SHANK2: variants seen among roughly 807,000 people sequenced by gnomAD.
SHANK2 encodes the protein SH3 and multiple ankyrin repeat domains 2.
Under a neutral mutation model 133.7 loss-of-function variants are expected in SHANK2, and 43 were observed. The observed-to-expected ratio is 0.32, with a 90% CI of 0.25 to 0.41. The LOEUF (loss-of-function observed/expected upper bound fraction) is 0.41, where lower values mean the gene tolerates loss of function less well. Ranked by LOEUF, SHANK2 falls within the 10% of genes least tolerant of loss-of-function variation. The pLI is 1.00. For missense variants in SHANK2, 1,994 were observed against 2,235.8 expected (o/e 0.89, Z 2.18); for synonymous variants, 1,017 against 952.8 (o/e 1.07, Z -1.24).
intron 17 of SHANK2, among the ~76,000 whole-genome samples, chr11:70,601,628 AG>A (rs1339857045): frequency 3.9e-5 from 6 of 152,214 alleles, no homozygotes; most frequent in Non-Finnish European, 8.8e-5. Context: ...CTGAGATTAC[AG>A]GCGTGAGCCA....
intron 2 of SHANK2, among the ~76,000 whole-genome samples, chr11:71,177,806 C>T (rs1555113296): frequency 6.6e-6 from 1 of 151,810 alleles, no homozygotes; most frequent in East Asian, 1.9e-4. Context: ...CGCAAATAAG[C>T]ACGTGAAAAA....
At chr11:70,630,802 C>A (rs2060974598) in intron 17 of SHANK2, among the ~76,000 whole-genome samples, 1 of 152,212 alleles carries the variant, frequency 6.6e-6, no homozygotes, top group African/African-American at 2.4e-5. Flanking sequence ...GCCTCCAGAA[C>A]TGTGAGGGGA....
chr11:70,533,962 G>A (rs1007063877), intron 17 of SHANK2, among the ~76,000 whole-genome samples: 6 of 152,216 alleles, frequency 3.9e-5, no homozygotes, highest in Admixed American at 3.3e-4. Context: ...TTATGGCCAA[G>A]TAGTGTTCCA....
intron 2 of SHANK2, among the ~76,000 whole-genome samples, chr11:71,154,806 A>G (rs1346714948): frequency 9.6e-6 from 1 of 104,402 alleles, no homozygotes. Context: ...TGCTCCCAGA[A>G]GAGGGATGGA....
At chr11:70,481,428 G>A (rs2058732306) in intron 25 of SHANK2, among the ~76,000 whole-genome samples, 1 of 152,152 alleles carries the variant, frequency 6.6e-6, no homozygotes, top group South Asian at 2.1e-4. Flanking sequence ...ATCCCATCCT[G>A]GATTCTTGCA....
chr11:70,849,683 G>A (rs1306286500), intron 11 of SHANK2, among the ~76,000 whole-genome samples: 2 of 152,172 alleles, frequency 1.3e-5, no homozygotes, highest in East Asian at 1.9e-4. Context: ...GGGCATTTAT[G>A]TCAAAAGAAT....
intron 17 of SHANK2, among the ~76,000 whole-genome samples, chr11:70,611,656 G>C (rs1237061368): frequency 2.6e-5 from 4 of 152,176 alleles, no homozygotes; most frequent in Admixed American, 2.0e-4. Flanking sequence ...TTTCAAAAAG[G>C]CTAAGAATGT....
chr11:70,496,934 G>A (rs778600234), intron 21 of SHANK2: 15 of 456,408 alleles, frequency 3.3e-5, no homozygotes, highest in Non-Finnish European at 4.4e-5. Flanking sequence ...CATTGAAGGT[G>A]CATCCCTGAA....
chr11:71,057,720 T>A (rs1950936904), intron 9 of SHANK2, among the ~76,000 whole-genome samples: 1 of 151,518 alleles, frequency 6.6e-6, no homozygotes, highest in Non-Finnish European at 1.5e-5. Flanking sequence ...CCAGCTAATT[T>A]TTTTTTTTTG....
At chr11:70,912,781 AT>A (rs1555079265) in intron 10 of SHANK2, among the ~76,000 whole-genome samples, 1 of 152,164 alleles carries the variant, frequency 6.6e-6, no homozygotes, top group Non-Finnish European at 1.5e-5. Context: ...AGTTTTGGGT[AT>A]GTCTATCAGC....
At chr11:71,134,434 T>C (rs1451337661) in intron 3 of SHANK2, among the ~76,000 whole-genome samples, 1 of 130,806 alleles carries the variant, frequency 7.6e-6, no homozygotes, top group Non-Finnish European at 1.6e-5. Flanking sequence ...GTATATTACA[T>C]CTCAATTTTT....
intron 17 of SHANK2, among the ~76,000 whole-genome samples, chr11:70,617,966 T>C (rs990649628): frequency 6.6e-6 from 1 of 152,106 alleles, no homozygotes; most frequent in Non-Finnish European, 1.5e-5. Context: ...TGTGCACATG[T>C]ACCCTAAAAC....
chr11:70,743,192 T>C (rs1157574005), intron 14 of SHANK2, among the ~76,000 whole-genome samples: 1 of 152,222 alleles, frequency 6.6e-6, no homozygotes, highest in Non-Finnish European at 1.5e-5. Context: ...ACGCAGGAGC[T>C]GCAGGAGCTA....
rs929509479 is a variant in SHANK2 at position 70,531,174 on chromosome 11, A to C, written c.2062-28243T>G. On this transcript the variant is annotated intron_variant, in intron 17 of 25. Coordinates refer to ENST00000601538, the MANE Select transcript of SHANK2 (RefSeq NM_012309.5). ...CTGTCTCAAAAAAAAAAAAAAAAAA[A>C]AAAAAAACAAAAAGGCTAAGATTAT... Among the ~76,000 whole-genome samples, 108 of 150,856 alleles carry C rather than the reference A, an allele frequency of 7.2e-4. 3 individuals are homozygous for C. Among genetic ancestry groups the C allele is most frequent in the Admixed American group, 2.3e-3 (35 of 15,206 alleles).
At chr11:70,757,187 A>G (rs1946893963) in intron 14 of SHANK2, among the ~76,000 whole-genome samples, 2 of 152,360 alleles carry the variant, frequency 1.3e-5, no homozygotes, top group Middle Eastern at 3.4e-3. Flanking sequence ...AGGAAGGTTA[A>G]TAGCAGTGTT....
chr11:70,485,763 G>A lies in SHANK2; in HGVS notation c.4530C>T (p.Ile1510=). The A allele has an allele frequency of 6.2e-7, 1 of 1,614,056 alleles. No individual in the cohort carries two copies. Reference sequence around the variant, plus strand: ...GGGTGGAGATGCTAGACACGGTGGAGATAGTGCTGGTCGTCTCGAGGTGGT... The same window carrying A: ...GGGTGGAGATGCTAGACACGGTGGAAATAGTGCTGGTCGTCTCGAGGTGGT... ...SDHHLETTST[I]STVSSISTLS... The change falls in exon 25 of 26, where the codon ATC becomes ATT. Residue 1510 remains isoleucine (I), a synonymous_variant. Coordinates refer to ENST00000601538, the MANE Select transcript of SHANK2 (RefSeq NM_012309.5). This position sits in a 1 kb window ranked among gnomAD's most constrained non-coding sequence, Gnocchi z 5.8.
chr11:71,169,476 G>A (rs1953262648), intron 2 of SHANK2, among the ~76,000 whole-genome samples: 1 of 152,208 alleles, frequency 6.6e-6, no homozygotes, highest in Non-Finnish European at 1.5e-5. Context: ...CAAGCTGGGT[G>A]CGGTGGCTCA....
chr11:70,493,254 C>G (rs2058922365), intron 21 of SHANK2, among the ~76,000 whole-genome samples: 1 of 149,280 alleles, frequency 6.7e-6, no homozygotes, highest in African/African-American at 2.5e-5. Flanking sequence ...GAGGATCTGC[C>G]ACCCAAGGCA....
At chr11:71,203,440 A>G (rs2135643090) in intron 2 of SHANK2, among the ~76,000 whole-genome samples, 1 of 151,206 alleles carries the variant, frequency 6.6e-6, no homozygotes, top group East Asian at 1.9e-4. Flanking sequence ...GTAGTGCAAT[A>G]AAGGGTTAAC....
Sources: gnomAD v4.1 joint callset for allele counts (sites outside exome capture counted in the v4.1 genomes callset) on GRCh38, gnomAD v4.1.1 for gene constraint, Gnocchi (gnomAD v3.1) non-coding constraint, MANE v1.5 for transcripts, NCBI Gene and HGNC (gene_info 2026-07-23, HGNC 2026-07-21) for gene names.